The following ANO9 variants were observed in gnomAD, a reference collection of about 807,000 sequenced individuals.
The protein encoded by ANO9 is anoctamin-9.
A neutral mutation model predicts 100.5 loss-of-function variants in ANO9; 80 were observed. The ratio of observed to expected loss-of-function variants is 0.80; its 90% CI spans 0.66 to 0.96. ANO9 has a LOEUF of 0.96. Ranked by LOEUF, ANO9 falls within the 40% of genes least tolerant of loss-of-function variation. The pLI, the probability that ANO9 is intolerant of heterozygous loss-of-function variation, is 0.00. For synonymous variants in ANO9, 473 were observed against 435.6 expected (o/e 1.09, Z -1.07); for missense variants, 1,064 against 1,072.7 (o/e 0.99, Z 0.11).
rs762502699 is a variant in ANO9 at position 418,786 on chromosome 11, A to T, written c.2064T>A (p.Asp688Glu). ...CRYRDYRNPP[D>E]YNFSEQFWFL... The stretch of plus-strand genomic sequence containing the variant: ...ACCAGAACTGCTCGGAGAAGTTGTA[A>T]TCGGGGGGATTGCGGTAGTCCCTGT... The change falls in exon 22 of 23, where the codon GAT (aspartate) becomes GAA (glutamate). Residue 688 changes from aspartate (D) to glutamate (E), a missense_variant. Transcript: ENST00000332826. The T allele has an allele frequency of 1.9e-6, 3 of 1,613,036 alleles. No homozygotes were observed. The South Asian group carries it at 3.3e-5, about 18-fold the overall frequency.
chr11:435,848 AGTC>A (rs1849483554), intron 1 of ANO9, among the ~76,000 whole-genome samples: 3 of 150,824 alleles, frequency 2.0e-5, no homozygotes, highest in Admixed American at 6.7e-5. Flanking sequence ...AGTCTAGTCT[AGTC>A]TAGTCTAGTC....
In ANO9 at chr11:420,811, G is replaced by A. The variant is rs752159639; in HGVS notation, c.1540C>T (p.Leu514=). The part of the protein sequence containing the change: ...RSLRASESGH[L]PRDPELRDWR... ...TCCCTGAGCTCGGGGTCCCGGGGCA[G>A]GTGCCCGGACTCGGAGGCCCGCAGA... The change falls in exon 18 of 23, where the codon CTG becomes TTG. Residue 514 remains leucine (L), a synonymous_variant. Coordinates refer to ENST00000332826, the MANE Select transcript of ANO9 (RefSeq NM_001012302.3). 5.0e-6 allele frequency: 8 copies of A among 1,594,552 alleles called. No homozygotes were observed. Among genetic ancestry groups the A allele is most frequent in the Non-Finnish European group, 6.8e-6 (8 of 1,174,004 alleles).
In ANO9 at chr11:418,550, C is replaced by T. The variant is rs149064552; in HGVS notation, c.2170G>A (p.Val724Met). The T allele has an allele frequency of 8.7e-6, 14 of 1,612,950 alleles. No homozygotes were observed. The highest frequency in any genetic ancestry group is 6.7e-5 in the African/African-American group (5 of 74,936). The change falls in exon 23 of 23, where the codon GTG (valine) becomes ATG (methionine). Residue 724 changes from valine to methionine, a missense_variant. Coordinates refer to ENST00000332826, the MANE Select transcript of ANO9 (RefSeq NM_001012302.3). Reference sequence around the variant, plus strand: ...TTCACCGACTGAGGGATGTCGGGCACGAACCAGGCGGCGATGAGCTTGATG... The same window carrying T: ...TTCACCGACTGAGGGATGTCGGGCATGAACCAGGCGGCGATGAGCTTGATG... ...LCIKLIAAWF[V>M]PDIPQSVKNK...
intron 15 of ANO9, among the ~76,000 whole-genome samples, chr11:425,272 T>G (rs1023242921): frequency 4.4e-4 from 2 of 4,586 alleles, no homozygotes; most frequent in African/African-American, 1.5e-3. Context: ...AAAGGCGGCG[T>G]GGAGAGACGG....
Position 418,000 on chromosome 11 carries a change from C to T in ANO9, c.*371G>A, listed in dbSNP as rs1197605909. ...AGGGAACAGGCCAGCGAGGTGGGCTCAGGACACCCCCAACAGCCAGGATGG... is the reference window on the plus strand; with the variant it reads ...AGGGAACAGGCCAGCGAGGTGGGCTTAGGACACCCCCAACAGCCAGGATGG... On this transcript the variant is annotated 3_prime_UTR_variant, in exon 23 of 23. Transcript: ENST00000332826. The surrounding 1 kb of genome is among the most constrained non-coding windows in gnomAD (Gnocchi z 4.2). The T allele has an allele frequency of 7.4e-6, 2 of 271,334 alleles. No individual in the cohort carries two copies. Among genetic ancestry groups the T allele is most frequent in the Non-Finnish European group, 1.4e-5 (2 of 143,238 alleles). 16.8% of individuals were successfully genotyped at this position (271,334 alleles called of 1,614,324 possible). A position where few individuals can be genotyped will look rare whatever the true frequency, so the allele number is the denominator to read the frequency against.
chr11:420,066 C>G, intron 19 of ANO9: 1 of 1,324,274 alleles, frequency 7.6e-7, no homozygotes. Flanking sequence ...GGGGGCCTCC[C>G]TAACACCTCT....
chr11:440,481 A>T (rs918998752), intron 1 of ANO9: 1 of 152,358 alleles, frequency 6.6e-6, no homozygotes, highest in Non-Finnish European at 1.5e-5. Flanking sequence ...TTTGATCACC[A>T]CAGGAGTTTT....
At chr11:441,806 CCA>C in intron 1 of ANO9, 113 bp downstream of exon 1, 10 of 1,353,026 alleles carry the variant, frequency 7.4e-6, no homozygotes, top group African/African-American at 2.9e-5. Flanking sequence ...GGGACCCCCC[CCA>C]CACACACAGG....
At chr11:441,457 G>A (rs1047564760) in intron 1 of ANO9, among the ~76,000 whole-genome samples, 43 of 152,260 alleles carry the variant, frequency 2.8e-4, no homozygotes, top group African/African-American at 8.9e-4. Context: ...ACAGCCCGCC[G>A]GCCACTCTGC....
rs777434943 is a variant in ANO9, at chr11:434,065, C to T, written c.40G>A (p.Glu14Lys). The change falls in exon 2 of 23, where the codon GAA (glutamate) becomes AAA (lysine). Residue 14 changes from glutamate to lysine, a missense_variant. Glu to Lys is a moderately conservative substitution (Grantham distance 56). Coordinates refer to ENST00000332826, the MANE Select transcript of ANO9 (RefSeq NM_001012302.3). ...TCCATCAGCGGGAAGCTGTCCCCTTCGGGCTCCACCAGGATCCGGAGGCTC... is the reference window on the plus strand; with the variant it reads ...TCCATCAGCGGGAAGCTGTCCCCTTTGGGCTCCACCAGGATCCGGAGGCTC... ...EESLRILVEPEGDSFPLMEIS... is the reference protein window; with the variant it reads ...EESLRILVEPKGDSFPLMEIS... The T allele has an allele frequency of 5.2e-6, 8 of 1,550,826 alleles. No homozygotes were observed. The highest frequency in any genetic ancestry group is 2.7e-5 in the African/African-American group (2 of 73,094).
intron 1 of ANO9, among the ~76,000 whole-genome samples, chr11:434,558 A>C (rs1656425892): frequency 6.6e-6 from 1 of 152,134 alleles, no homozygotes; most frequent in Admixed American, 6.5e-5. Flanking sequence ...TTAAAATTGA[A>C]CGCTCCCAAC....
intron 15 of ANO9, among the ~76,000 whole-genome samples, chr11:425,763 A>G (rs1024664949): frequency 6.6e-6 from 1 of 151,214 alleles, no homozygotes; most frequent in Non-Finnish European, 1.5e-5. Flanking sequence ...ACGGAGTCTC[A>G]CTCTGTCGCC....
At chr11:433,275 G>C in intron 4 of ANO9, 39 bp downstream of exon 4, 1 of 1,600,204 alleles carries the variant, frequency 6.2e-7, no homozygotes, top group Non-Finnish European at 8.5e-7. Flanking sequence ...CAGGTGGCAA[G>C]GGGTTCTCCT....
intron 20 of ANO9, 86 bp from the exon 21 acceptor site, chr11:419,075 G>A: frequency 6.3e-7 from 1 of 1,589,152 alleles, no homozygotes; most frequent in Non-Finnish European, 8.6e-7. Context: ...CCTGCGTTGT[G>A]GAGCAAACAG....
At position 431,768 on chromosome 11, in the gene ANO9, CT is replaced by C. The variant is rs1849022926; in HGVS notation, c.466-2del. On this transcript the variant is annotated splice_acceptor_variant, in intron 6 of 22. Transcript: ENST00000332826. LOFTEE classifies it high-confidence loss of function. ...ACGTCTTCTTCAGGCGTCCCTCCCC[CT>C]GGCTCGGGTGACAGAGAGTGAGAGC... is the stretch of plus-strand genomic sequence containing the variant. 3.7e-6 allele frequency: 6 copies of C among 1,612,452 alleles called. No individual in the cohort carries two copies. Among genetic ancestry groups the C allele is most frequent in the Non-Finnish European group, 5.1e-6 (6 of 1,179,586 alleles).
intron 1 of ANO9, among the ~76,000 whole-genome samples, chr11:437,583 G>A (rs565237151): frequency 5.9e-4 from 90 of 152,288 alleles, no homozygotes; most frequent in East Asian, 1.5e-3. Context: ...CTTCTCCCCC[G>A]TCCTGGGTTA....
At chr11:419,758 G>A in intron 19 of ANO9, 29 bp from the exon 20 acceptor site, 7 of 1,579,360 alleles carry the variant, frequency 4.4e-6, no homozygotes, top group Non-Finnish European at 6.0e-6. Context: ...CAAGCGGTCT[G>A]ACTCAGCGTC....
In ANO9 at chr11:421,570, C is replaced by T. The variant is rs1209763820; in HGVS notation, c.1335-372G>A. 1.4e-5 allele frequency among the ~76,000 whole-genome samples: 1 copy of T among 73,526 alleles called. No individual in the cohort carries two copies. Among genetic ancestry groups the T allele is most frequent in the African/African-American group, 6.1e-5 (1 of 16,262 alleles). The allele number at this position is 73,526 out of a possible 152,430, so 48.2% of individuals were successfully genotyped here. A position where few individuals can be genotyped will look rare whatever the true frequency, so the allele number is the denominator to read the frequency against. On this transcript the variant is annotated intron_variant, in intron 15 of 22. Transcript: ENST00000332826. The surrounding 1 kb of genome is among the most constrained non-coding windows in gnomAD (Gnocchi z 6.8). ...GGCTCCCAGATGAACCGCACCCACACGTGGGCGCGCGCACACACACACACA... is the reference window on the plus strand; with the variant it reads ...GGCTCCCAGATGAACCGCACCCACATGTGGGCGCGCGCACACACACACACA...
chr11:435,769 G>A (rs149646391), intron 1 of ANO9, among the ~76,000 whole-genome samples: 10 of 151,560 alleles, frequency 6.6e-5, no homozygotes, highest in Non-Finnish European at 8.8e-5. Flanking sequence ...GTCTAGTATG[G>A]TGTAGTCTAG....
Sources: allele counts gnomAD v4.1 joint callset (sites outside exome capture counted in the v4.1 genomes callset), GRCh38; gene constraint gnomAD v4.1.1; non-coding constraint Gnocchi (gnomAD v3.1); transcripts MANE v1.5; gene names NCBI Gene and HGNC (gene_info 2026-07-23, HGNC 2026-07-21).